The following DBT variants were observed in gnomAD, a reference collection of about 807,000 sequenced individuals.
The protein encoded by DBT is dihydrolipoamide branched chain transacylase E2.
DBT carries 40 observed loss-of-function variants against 51.3 expected under a neutral mutation model. The observed-to-expected ratio is 0.78, with a 90% CI of 0.61 to 1.02. DBT has a LOEUF of 1.02. Ranked by LOEUF, DBT falls within the 50% of genes least tolerant of loss-of-function variation. The pLI is 0.00. For synonymous variants in DBT, 181 were observed against 190.4 expected (o/e 0.95, Z 0.41); for missense variants, 510 against 580.2 (o/e 0.88, Z 1.24).
intron 10 of DBT, among the ~76,000 whole-genome samples, chr1:100,201,051 A>C (rs1476782349): frequency 6.6e-6 from 1 of 152,150 alleles, no homozygotes; most frequent in Non-Finnish European, 1.5e-5. Flanking sequence ...AACTGGACAG[A>C]GAATGAGTTT....
chr1:100,245,380 C>T (rs1176232712), intron 1 of DBT, among the ~76,000 whole-genome samples: 1 of 152,030 alleles, frequency 6.6e-6, no homozygotes, highest in Non-Finnish European at 1.5e-5. Context: ...AGGCTTTAAA[C>T]CTCCAATTTT....
intron 1 of DBT, among the ~76,000 whole-genome samples, chr1:100,244,352 A>G (rs1664412706): frequency 6.6e-6 from 1 of 152,200 alleles, no homozygotes; most frequent in Non-Finnish European, 1.5e-5. Context: ...GAAATGGTTG[A>G]TGACTATAAT....
chr1:100,248,037 G>T (rs781539066), intron 1 of DBT, among the ~76,000 whole-genome samples: 1 of 151,784 alleles, frequency 6.6e-6, no homozygotes, highest in Non-Finnish European at 1.5e-5. Flanking sequence ...GGGAGGCAGG[G>T]GTTGCAGTGA....
Position 100,193,458 on chromosome 1 carries a change from A to G in DBT, c.*2797T>C, listed in dbSNP as rs984658634. The stretch of plus-strand genomic sequence containing the variant: ...AGAACAGTGTTTTATGCAGTTATTT[A>G]ATATCTGTCTCCTTACTAGACTGTA... On this transcript the variant is annotated 3_prime_UTR_variant, in exon 11 of 11. Coordinates refer to ENST00000370132, the MANE Select transcript of DBT (RefSeq NM_001918.5). 3.9e-5 allele frequency: 6 copies of G among 152,194 alleles called. No individual in the cohort carries two copies. The highest frequency in any genetic ancestry group is 3.3e-4 in the Admixed American group (5 of 15,282). The allele number at this position is 152,194 out of a possible 1,614,324, so 9.4% of individuals were successfully genotyped here. A position where few individuals can be genotyped will look rare whatever the true frequency, so the allele number is the denominator to read the frequency against.
At chr1:100,243,174 A>C (rs1171458520) in intron 1 of DBT, among the ~76,000 whole-genome samples, 1 of 151,118 alleles carries the variant, frequency 6.6e-6, no homozygotes. Context: ...AGGCACAAGA[A>C]TCACTTGAAC....
intron 10 of DBT, among the ~76,000 whole-genome samples, chr1:100,201,858 CAG>C (rs1177995510): frequency 6.6e-6 from 1 of 152,108 alleles, no homozygotes; most frequent in African/African-American, 2.4e-5. Context: ...CAAATGCTGA[CAG>C]ATTTTGTCAC....
intron 4 of DBT, among the ~76,000 whole-genome samples, chr1:100,221,297 C>G (rs1052085934): frequency 2.6e-5 from 4 of 151,996 alleles, no homozygotes; most frequent in African/African-American, 9.7e-5. Flanking sequence ...TAATAAAATA[C>G]CACCTTACTA....
chr1:100,236,112 G>C (rs1327731930), intron 2 of DBT, among the ~76,000 whole-genome samples: 1 of 149,548 alleles, frequency 6.7e-6, no homozygotes, highest in Admixed American at 6.7e-5. Flanking sequence ...TTTGGAGACA[G>C]AGTCTCACTA....
intron 1 of DBT, among the ~76,000 whole-genome samples, chr1:100,244,842 C>A (rs1231307544): frequency 1.3e-5 from 2 of 152,022 alleles, no homozygotes; most frequent in Non-Finnish European, 2.9e-5. Context: ...TACAGTAGAT[C>A]ATGGCTAACT....
intron 4 of DBT, among the ~76,000 whole-genome samples, chr1:100,220,489 C>A (rs541212464): frequency 6.6e-6 from 1 of 152,190 alleles, no homozygotes; most frequent in Non-Finnish European, 1.5e-5. Flanking sequence ...ATAGTCTATT[C>A]ATTCCTCTTT....
intron 8 of DBT, among the ~76,000 whole-genome samples, chr1:100,207,600 T>C (rs1036511823): frequency 1.3e-5 from 2 of 151,960 alleles, no homozygotes; most frequent in Non-Finnish European, 2.9e-5. Context: ...CACAGAAGGA[T>C]TGCTTGAGGC....
intron 4 of DBT, among the ~76,000 whole-genome samples, chr1:100,228,251 T>G (rs1178173880): frequency 6.6e-6 from 1 of 152,166 alleles, no homozygotes; most frequent in Non-Finnish European, 1.5e-5. Context: ...TCCAAAAAGT[T>G]TGACATTCTG....
intron 4 of DBT, among the ~76,000 whole-genome samples, chr1:100,224,076 G>C (rs1240438629): frequency 1.3e-5 from 2 of 152,072 alleles, no homozygotes; most frequent in Admixed American, 6.6e-5. Flanking sequence ...TGTTACAAAA[G>C]ACAGTACTAT....
Position 100,195,423 on chromosome 1 carries a change from A to G in DBT, c.*832T>C, listed in dbSNP as rs1268745208. ...CTTTTCAAAGACATTAATTAATATAAATAAGACACTATCAGATGATATTCT... is the reference window on the plus strand; with the variant it reads ...CTTTTCAAAGACATTAATTAATATAGATAAGACACTATCAGATGATATTCT... On this transcript the variant is annotated 3_prime_UTR_variant, in exon 11 of 11. Transcript: ENST00000370132. The G allele has an allele frequency of 6.6e-6, 1 of 152,598 alleles. No individual in the cohort carries two copies. The highest frequency in any genetic ancestry group is 2.4e-5 in the African/African-American group (1 of 41,448). The allele number at this position is 152,598 out of a possible 1,614,324, so 9.5% of individuals were successfully genotyped here.
intron 10 of DBT, among the ~76,000 whole-genome samples, chr1:100,203,866 A>G (rs749581040): frequency 6.6e-6 from 1 of 152,242 alleles, no homozygotes; most frequent in Non-Finnish European, 1.5e-5. Context: ...GATTATCTCA[A>G]TTGATGCAGA....
At chr1:100,230,568 G>C (rs1464708103) in intron 4 of DBT, among the ~76,000 whole-genome samples, 165 bp downstream of exon 4, 1 of 149,818 alleles carries the variant, frequency 6.7e-6, no homozygotes, top group Non-Finnish European at 1.5e-5. Context: ...TGTTGAACTT[G>C]CTACCTTTTT....
chr1:100,206,451 A>C lies in DBT; in HGVS notation c.1203T>G (p.Ile401Met), dbSNP rs1246471531. The change falls in exon 9 of 11, where the codon ATT becomes ATG. Residue 401 changes from isoleucine (I) to methionine (M), a missense_variant. By Grantham distance (10) the Ile-to-Met change is conservative (BLOSUM62 1). Coordinates refer to ENST00000370132, the MANE Select transcript of DBT (RefSeq NM_001918.5). ...LTGGTFTLSN[I>M]GSIGGTFAKP... Reference sequence around the variant, plus strand: ...TTTCAACATTATTACTCACTGATCCAATGTTGGAAAGAGTAAATGTTCCTC... The same window carrying C: ...TTTCAACATTATTACTCACTGATCCCATGTTGGAAAGAGTAAATGTTCCTC... 3.7e-6 allele frequency: 6 copies of C among 1,611,856 alleles called. No homozygotes were observed. The Admixed American group carries it at 1.0e-4, about 27-fold the overall frequency.
chr1:100,208,373 T>C (rs1661925039), intron 8 of DBT, among the ~76,000 whole-genome samples: 1 of 152,182 alleles, frequency 6.6e-6, no homozygotes, highest in Non-Finnish European at 1.5e-5. Context: ...AGGTAACGGA[T>C]ACTTAAACTG....
At chr1:100,219,171 G>A (rs1207699621) in intron 4 of DBT, among the ~76,000 whole-genome samples, 2 of 152,050 alleles carry the variant, frequency 1.3e-5, no homozygotes, top group Non-Finnish European at 2.9e-5. Flanking sequence ...AGGCAACATA[G>A]GGAGACCCCA....
Sources: gnomAD v4.1 joint callset for allele counts (sites outside exome capture counted in the v4.1 genomes callset) on GRCh38, gnomAD v4.1.1 for gene constraint, MANE v1.5 for transcripts, NCBI Gene and HGNC (gene_info 2026-07-23, HGNC 2026-07-21) for gene names.